The following HIVEP2 variants were observed in gnomAD, a reference collection of about 807,000 sequenced individuals.
HIVEP2 encodes transcription factor HIVEP2.
In HIVEP2, 14 loss-of-function variants were observed where a neutral mutation model predicts 180.7. The observed-to-expected ratio is 0.08, with a 90% CI of 0.05 to 0.12. HIVEP2 has a LOEUF of 0.12. Among genes scored for constraint, HIVEP2 ranks in the 10% least tolerant of loss-of-function variants. HIVEP2 has a pLI of 1.00. For synonymous variants in HIVEP2, 1,184 were observed against 1,136.4 expected, an observed-to-expected ratio of 1.04 and a Z score of -0.84; for missense variants, 2,579 against 3,008.5, an observed-to-expected ratio of 0.86 and a Z score of 3.34.
chr6:142,793,659 T>TCTCTCTCTC (rs3057479), intron 2 of HIVEP2, among the ~76,000 whole-genome samples: 7 of 106,194 alleles, frequency 6.6e-5, no homozygotes, highest in African/African-American at 2.4e-4. Flanking sequence ...TTTCTTTCTT[T>TCTCTCTCTC]TTTCTTTCTT....
rs1775480686 is a variant in HIVEP2, at chr6:142,769,951, C to T, written c.4788G>A (p.Glu1596=). The change falls in exon 5 of 10, where the codon GAG becomes GAA. Residue 1596 remains glutamate (E), a synonymous_variant. Coordinates refer to ENST00000367603, the MANE Select transcript of HIVEP2 (RefSeq NM_006734.4). ...SLPAGDGQLE[E]EGKGHKRPVG... is the part of the protein sequence containing the mutation. ...CAGGCCGCTTGTGGCCCTTCCCTTCCTCTTCCAGCTGACCATCTCCTGCTG... is the reference window on the plus strand; with the variant it reads ...CAGGCCGCTTGTGGCCCTTCCCTTCTTCTTCCAGCTGACCATCTCCTGCTG... 1.2e-6 allele frequency: 2 copies of T among 1,614,104 alleles called. No individual in the cohort carries two copies. Among genetic ancestry groups the T allele is most frequent in the African/African-American group, 1.3e-5 (1 of 75,066 alleles).
At chr6:142,923,514 C>T (rs568744755) in intron 1 of HIVEP2, among the ~76,000 whole-genome samples, 13 of 152,276 alleles carry the variant, frequency 8.5e-5, no homozygotes, top group South Asian at 8.3e-4. Context: ...AGAAGATTTT[C>T]TTTTTCAAAA....
rs767735001 is a variant in HIVEP2, at chr6:142,774,761, G to T, written c.-23C>A. On this transcript the variant is annotated 5_prime_UTR_variant, in exon 5 of 10. Coordinates refer to ENST00000367603, the MANE Select transcript of HIVEP2 (RefSeq NM_006734.4). This position sits in a 1 kb window ranked among gnomAD's most constrained non-coding sequence, Gnocchi z 5.1. ...CATTTTGTTACACAAGGTCTTAAGT[G>T]CTAGTTCCCCTGAAAGCAGTGCAGA... The T allele has an allele frequency of 6.2e-6, 10 of 1,607,270 alleles. No homozygotes were observed. Among genetic ancestry groups the T allele is most frequent in the Middle Eastern group, 1.7e-4 (1 of 5,764 alleles).
intron 1 of HIVEP2, among the ~76,000 whole-genome samples, chr6:142,937,188 T>C (rs1208139668): frequency 6.6e-6 from 1 of 152,212 alleles, no homozygotes; most frequent in Non-Finnish European, 1.5e-5. Context: ...AGATTTTAAT[T>C]GATATTTCCA....
At chr6:142,762,932 T>C (rs1285882213) in intron 7 of HIVEP2, among the ~76,000 whole-genome samples, 3 of 152,210 alleles carry the variant, frequency 2.0e-5, no homozygotes, top group East Asian at 1.9e-4. Context: ...AAAAATGTTA[T>C]AGACATATCA....
intron 1 of HIVEP2, among the ~76,000 whole-genome samples, chr6:142,908,523 G>C (rs1777324293): frequency 6.6e-6 from 1 of 152,066 alleles, no homozygotes; most frequent in Non-Finnish European, 1.5e-5. Flanking sequence ...TTTCTATATA[G>C]TTTCTAGCCC....
At chr6:142,762,121 C>A (rs989172416) in intron 7 of HIVEP2, among the ~76,000 whole-genome samples, 2 of 152,092 alleles carry the variant, frequency 1.3e-5, no homozygotes, top group African/African-American at 4.8e-5. Context: ...AAGATCCATA[C>A]AAATAATTAG....
chr6:142,927,144 G>A lies in HIVEP2; in HGVS notation c.-641+17955C>T, dbSNP rs183032258. 4.4e-3 allele frequency among the ~76,000 whole-genome samples: 668 copies of A among 152,154 alleles called. 5 individuals carry two copies. Among genetic ancestry groups the A allele is most frequent in the African/African-American group, 0.015 (635 of 41,562 alleles). On this transcript the variant is annotated intron_variant, in intron 1 of 9. Coordinates refer to ENST00000367603, the MANE Select transcript of HIVEP2 (RefSeq NM_006734.4). ...GCGGGGAAGAGCTGCTCTTCCTCCC[G>A]GAGGAAACCGAGCTCGCAAGCCCAG...
rs1775231563 is a variant in HIVEP2, at chr6:142,761,370, T to G, written c.5620+94A>C. On this transcript the variant is annotated intron_variant, in intron 8 of 9. Transcript: ENST00000367603. Reference sequence around the variant, plus strand: ...TTTAATAAAATGAAAAGTGATCACTTTTTAAAAATATCTAAACTTATTTTA... The same window carrying G: ...TTTAATAAAATGAAAAGTGATCACTGTTTAAAAATATCTAAACTTATTTTA... 3 of 661,474 alleles carry G rather than the reference T, an allele frequency of 4.5e-6. No individual in the cohort carries two copies. In the African/African-American group the frequency reaches 5.4e-5, roughly 12 times the overall value. 41.0% of individuals were successfully genotyped at this position (661,474 alleles called of 1,614,324 possible). A position where few individuals can be genotyped will look rare whatever the true frequency, so the allele number is the denominator to read the frequency against.
intron 1 of HIVEP2, among the ~76,000 whole-genome samples, chr6:142,900,138 G>A (rs1012144603): frequency 6.6e-6 from 1 of 152,218 alleles, no homozygotes; most frequent in Non-Finnish European, 1.5e-5. Flanking sequence ...ATTGGCTAAA[G>A]TGGAACAGAG....
At chr6:142,871,788 A>G (rs1030917936) in intron 1 of HIVEP2, among the ~76,000 whole-genome samples, 12 of 152,172 alleles carry the variant, frequency 7.9e-5, no homozygotes, top group African/African-American at 2.9e-4. Flanking sequence ...ACAGGACTTT[A>G]TAAGGGACTC....
At chr6:142,756,140 G>C (rs1296700314) in intron 9 of HIVEP2, among the ~76,000 whole-genome samples, 3 of 152,138 alleles carry the variant, frequency 2.0e-5, no homozygotes, top group Non-Finnish European at 4.4e-5. Flanking sequence ...TACATACACA[G>C]ATATCTATAT....
At chr6:142,866,873 C>T (rs1776153667) in intron 1 of HIVEP2, among the ~76,000 whole-genome samples, 1 of 152,110 alleles carries the variant, frequency 6.6e-6, no homozygotes, top group African/African-American at 2.4e-5. Flanking sequence ...TTCCCTTTGC[C>T]ATTAACTATC....
chr6:142,758,953 C>T (rs1419690124), intron 9 of HIVEP2, among the ~76,000 whole-genome samples: 1 of 152,070 alleles, frequency 6.6e-6, no homozygotes, highest in East Asian at 1.9e-4. Flanking sequence ...TCTCCCTGGC[C>T]CTGACCAGTT....
At chr6:142,870,619 A>G (rs757142918) in intron 1 of HIVEP2, among the ~76,000 whole-genome samples, 35 of 152,030 alleles carry the variant, frequency 2.3e-4, no homozygotes, top group Non-Finnish European at 4.3e-4. Context: ...ATGGAACTCT[A>G]TTTCTTCCTG....
intron 1 of HIVEP2, among the ~76,000 whole-genome samples, chr6:142,907,985 C>T (rs1298098250): frequency 6.6e-6 from 1 of 152,184 alleles, no homozygotes; most frequent in Non-Finnish European, 1.5e-5. Flanking sequence ...AACTGAATTA[C>T]AGAAAATCAA....
intron 3 of HIVEP2, among the ~76,000 whole-genome samples, chr6:142,780,497 G>A (rs975845120): frequency 1.3e-5 from 2 of 152,156 alleles, no homozygotes; most frequent in East Asian, 1.9e-4. Context: ...ATAAAATCAC[G>A]TCTCTTCTTG....
rs1453719710 is a variant in HIVEP2, at chr6:142,753,599, C to T, written c.6849G>A (p.Glu2283=). 3.7e-6 allele frequency: 6 copies of T among 1,614,174 alleles called. No individual in the cohort carries two copies. In the South Asian group the frequency reaches 4.4e-5, roughly 12 times the overall value. The part of the protein sequence containing the change: ...KDPYVLSKQH[E]KRGPHALQSS... ...ACTGCAAAGCGTGAGGACCTCGCTT[C>T]TCATGCTGCTTAGAAAGCACATAGG... Residue 2283 remains glutamate, a synonymous_variant, in exon 10 of 10, where the codon GAG becomes GAA. Transcript: ENST00000367603.
chr6:142,788,728 CAAACAAACAAACA>C (rs1377647299), intron 2 of HIVEP2, among the ~76,000 whole-genome samples: 1 of 37,532 alleles, frequency 2.7e-5, no homozygotes, highest in African/African-American at 5.9e-5. Context: ...ACAACAACAA[CAAACAAACAAACA>C]AAACAAACAA....
Sources: allele counts gnomAD v4.1 joint callset (sites outside exome capture counted in the v4.1 genomes callset), GRCh38; gene constraint gnomAD v4.1.1; non-coding constraint Gnocchi (gnomAD v3.1); transcripts MANE v1.5; gene names NCBI Gene and HGNC (gene_info 2026-07-23, HGNC 2026-07-21).